PDC: variants seen among roughly 807,000 people sequenced by gnomAD.
PDC encodes the protein 33 kDa phototransducing protein.
Under a neutral mutation model 22.2 loss-of-function variants are expected in PDC, and 19 were observed. The ratio of observed to expected loss-of-function variants is 0.86; its 90% CI spans 0.60 to 1.26. PDC has a LOEUF of 1.26. Among genes scored for constraint, PDC ranks in the 50% most tolerant of loss-of-function variants. PDC has a pLI of 0.00. For synonymous variants in PDC, 97 were observed against 96.2 expected (o/e 1.01, Z -0.05); for missense variants, 274 against 286.8 (o/e 0.96, Z 0.32).
intron 3 of PDC, among the ~76,000 whole-genome samples, 166 bp from the exon 4 acceptor site, chr1:186,444,672 T>C (rs1015429794): frequency 1.3e-5 from 2 of 152,204 alleles, no homozygotes; most frequent in Non-Finnish European, 2.9e-5. Context: ...TTGAAGCTTT[T>C]GTTTAAATGT....
In PDC at chr1:186,449,294, A is replaced by G. The variant is rs530408502; in HGVS notation, c.61+105T>C. 1.9e-3 allele frequency: 968 copies of G among 514,292 alleles called. 8 individuals carry two copies. Among genetic ancestry groups the G allele is most frequent in the South Asian group, 0.017 (337 of 19,780 alleles). 31.9% of individuals were successfully genotyped at this position (514,292 alleles called of 1,614,324 possible). ...TTTAGATTAGCATAACAATTTATATAAAGATATTACTTAAAGTACATACTG... is the reference window on the plus strand; with the variant it reads ...TTTAGATTAGCATAACAATTTATATGAAGATATTACTTAAAGTACATACTG... On this transcript the variant is annotated intron_variant, in intron 2 of 3. Coordinates refer to ENST00000391997, the MANE Select transcript of PDC (RefSeq NM_002597.5).
chr1:186,446,201 A>G (rs901564076), intron 3 of PDC, among the ~76,000 whole-genome samples: 2 of 152,200 alleles, frequency 1.3e-5, no homozygotes, highest in Non-Finnish European at 2.9e-5. Context: ...TTGTGAAACT[A>G]TCTCTAGGTC....
At chr1:186,455,918 G>T (rs1400888757) in intron 1 of PDC, among the ~76,000 whole-genome samples, 1 of 131,416 alleles carries the variant, frequency 7.6e-6, no homozygotes, top group Admixed American at 8.4e-5. Flanking sequence ...TTTGCAGTGA[G>T]CCGAGATTGC....
chr1:186,455,797 T>TAAAAAAAAAAAAAAAAA (rs71104862), intron 1 of PDC, among the ~76,000 whole-genome samples: 18 of 39,354 alleles, frequency 4.6e-4, no homozygotes, highest in East Asian at 1.0e-3. Context: ...CCGTCTCTAC[T>TAAAAAAAAAAAAAAAAA]AAAAAAAAAA....
At chr1:186,445,350 T>G (rs1662204564) in intron 3 of PDC, among the ~76,000 whole-genome samples, 2 of 152,210 alleles carry the variant, frequency 1.3e-5, no homozygotes, top group South Asian at 4.1e-4. Context: ...TATCTAATCC[T>G]TACAGATAAC....
In PDC at chr1:186,444,210, TA is replaced by T. The variant is rs1558121544; in HGVS notation, c.509del (p.Ile170LysfsTer14). 1.2e-6 allele frequency: 2 copies of T among 1,614,088 alleles called. No individual in the cohort carries two copies. Among genetic ancestry groups the T allele is most frequent in the Non-Finnish European group, 1.7e-6 (2 of 1,179,960 alleles). ...CCCCAGCACCTGTATTCGAAGCTTT[TA>T]TTTTACAAAACTTAACTATAGGGTA... ...AEYPIVKFCK[I>X]KASNTGAGDR... On this transcript the variant is annotated frameshift_variant, in exon 4 of 4. Coordinates refer to ENST00000391997, the MANE Select transcript of PDC (RefSeq NM_002597.5). LOFTEE classifies it high-confidence loss of function.
At chr1:186,447,110 T>C (rs573841486) in intron 2 of PDC, among the ~76,000 whole-genome samples, 1 of 152,206 alleles carries the variant, frequency 6.6e-6, no homozygotes, top group East Asian at 1.9e-4. Flanking sequence ...CTTCTAAGAT[T>C]CTAGGCATAT....
chr1:186,455,331 C>T (rs531947573), intron 1 of PDC, among the ~76,000 whole-genome samples: 1 of 152,108 alleles, frequency 6.6e-6, no homozygotes, highest in East Asian at 1.9e-4. Context: ...CTACAAAGCC[C>T]CTATTTCTAA....
In PDC at chr1:186,446,482, T is replaced by G; in HGVS notation, c.157A>C (p.Met53Leu). 6.2e-7 allele frequency: 1 copy of G among 1,609,494 alleles called. No homozygotes were observed. ...CCATTCCTACTCTGAGGAGAAGACA[T>G]TTGCCTGAGAATCTCCTTCTTGCTA... ...PPSKKEILRQ[M>L]SSPQSRNGKD... Residue 53 changes from methionine to leucine, a missense_variant, in exon 3 of 4, where the codon ATG becomes CTG. Transcript: ENST00000391997.
intron 1 of PDC, among the ~76,000 whole-genome samples, chr1:186,454,464 C>T (rs962079672): frequency 5.1e-5 from 5 of 98,906 alleles, no homozygotes; most frequent in African/African-American, 2.8e-4. Context: ...CGTGAGCCAC[C>T]GCACCTGGCC....
rs181896762 is a variant in PDC at position 186,443,843 on chromosome 1, G to T, written c.*136C>A. 2.0e-5 allele frequency: 13 copies of T among 659,996 alleles called. No homozygotes were observed. Among genetic ancestry groups the T allele is most frequent in the Non-Finnish European group, 2.4e-5 (9 of 373,312 alleles). The allele number at this position is 659,996 out of a possible 1,614,324, so 40.9% of individuals were successfully genotyped here. On this transcript the variant is annotated 3_prime_UTR_variant, in exon 4 of 4. Transcript: ENST00000391997. ...TAATACTAAGAAATGCTAATAACTC[G>T]ATTGTTGCATCAGTCATTTTTGTCA...
chr1:186,446,095 T>A (rs1467341669), intron 3 of PDC, among the ~76,000 whole-genome samples: 1 of 152,190 alleles, frequency 6.6e-6, no homozygotes, highest in Non-Finnish European at 1.5e-5. Flanking sequence ...TTCAAAATAG[T>A]TTTACATTTA....
intron 2 of PDC, among the ~76,000 whole-genome samples, chr1:186,447,879 G>A (rs182361617): frequency 6.2e-4 from 94 of 152,078 alleles, no homozygotes; most frequent in Non-Finnish European, 1.2e-3. Flanking sequence ...CATTTTGTTC[G>A]TGTTTTCTAC....
Position 186,443,907 on chromosome 1 carries a change from G to T in PDC, c.*72C>A. The T allele has an allele frequency of 8.9e-7, 1 of 1,119,690 alleles. No homozygotes were observed. Among genetic ancestry groups the T allele is most frequent in the Non-Finnish European group, 1.3e-6 (1 of 763,478 alleles). The allele number at this position is 1,119,690 out of a possible 1,614,324, so 69.4% of individuals were successfully genotyped here. A position where few individuals can be genotyped will look rare whatever the true frequency, so the allele number is the denominator to read the frequency against. On this transcript the variant is annotated 3_prime_UTR_variant, in exon 4 of 4. Coordinates refer to ENST00000391997, the MANE Select transcript of PDC (RefSeq NM_002597.5). The stretch of plus-strand genomic sequence containing the variant: ...GTGCCCATACTCTGTGTTCACTAAA[G>T]CAATATAGATACTACCAAAACCATC...
intron 1 of PDC, among the ~76,000 whole-genome samples, chr1:186,454,030 A>G (rs1662402912): frequency 6.6e-6 from 1 of 152,334 alleles, no homozygotes; most frequent in East Asian, 1.9e-4. Context: ...AGATGAGGAA[A>G]TGGAAAGCAA....
At chr1:186,453,846 T>C (rs1275981649) in intron 1 of PDC, among the ~76,000 whole-genome samples, 1 of 152,176 alleles carries the variant, frequency 6.6e-6, no homozygotes. Context: ...AGAGATTGAG[T>C]GACTTGCCAG....
chr1:186,445,939 T>C (rs1662218440), intron 3 of PDC, among the ~76,000 whole-genome samples: 2 of 152,226 alleles, frequency 1.3e-5, no homozygotes, highest in African/African-American at 4.8e-5. Flanking sequence ...CTTGAAGATG[T>C]ATTTGAGCAT....
At chr1:186,455,870 GCTGAGGCA>G (rs200521208) in intron 1 of PDC, among the ~76,000 whole-genome samples, 19,989 of 140,948 alleles carry the variant, frequency 0.14, 1,690 homozygotes, top group African/African-American at 0.21. Flanking sequence ...TACTCGGGAG[GCTGAGGCA>G]GGAGAATGGC....
rs564366018 is a variant in PDC at position 186,443,714 on chromosome 1, T to C, written c.*265A>G. On this transcript the variant is annotated 3_prime_UTR_variant, in exon 4 of 4. Coordinates refer to ENST00000391997, the MANE Select transcript of PDC (RefSeq NM_002597.5). ...AAGACAAAACATAACTTGAAAGGGA[T>C]TTTTGAAAAATGTCATAATATTATC... 2 of 320,622 alleles carry C rather than the reference T, an allele frequency of 6.2e-6. No homozygotes were observed. The highest frequency in any genetic ancestry group is 1.1e-5 in the Non-Finnish European group (2 of 175,730). The allele number at this position is 320,622 out of a possible 1,614,324, so 19.9% of individuals were successfully genotyped here.
Sources: allele counts gnomAD v4.1 joint callset (sites outside exome capture counted in the v4.1 genomes callset), GRCh38; gene constraint gnomAD v4.1.1; transcripts MANE v1.5; gene names NCBI Gene and HGNC (gene_info 2026-07-23, HGNC 2026-07-21).